The following KCTD16 variants were observed in gnomAD, a reference collection of about 807,000 sequenced individuals.
KCTD16 encodes BTB/POZ domain-containing protein KCTD16.
KCTD16 carries 13 observed loss-of-function variants against 33.2 expected under a neutral mutation model. The ratio of observed to expected loss-of-function variants is 0.39; its 90% CI spans 0.25 to 0.62. The LOEUF (loss-of-function observed/expected upper bound fraction) is 0.62. Ranked by LOEUF, KCTD16 falls within the 20% of genes least tolerant of loss-of-function variation. The probability of loss-of-function intolerance (pLI) is 0.50; values close to 1 mark genes in which losing one functional copy is unlikely to be tolerated. For synonymous variants in KCTD16, 197 were observed against 195.3 expected (o/e 1.01, Z -0.07); for missense variants, 441 against 525.1 (o/e 0.84, Z 1.57).
At chr5:144,464,678 ATCCTCCTCTTACTCCTCTTCT>A (rs1299220805) in intron 3 of KCTD16, among the ~76,000 whole-genome samples, 2 of 146,838 alleles carry the variant, frequency 1.4e-5, no homozygotes, top group South Asian at 2.2e-4. Flanking sequence ...CCTCCTCCTC[ATCCTCCTCTTACTCCTCTTCT>A]TCCTCCTCCT....
chr5:144,216,676 T>C (rs1753571997), intron 3 of KCTD16, among the ~76,000 whole-genome samples: 1 of 151,874 alleles, frequency 6.6e-6, no homozygotes, highest in African/African-American at 2.4e-5. Flanking sequence ...AAATTCCATC[T>C]CTACTAAAAT....
rs935408461 is a variant in KCTD16 at position 144,435,962 on chromosome 5, G to A, written c.833-37698G>A. On this transcript the variant is annotated intron_variant, in intron 3 of 3. Coordinates refer to ENST00000512467, the MANE Select transcript of KCTD16 (RefSeq NM_020768.4). ...ATTTCTCTGCTATTTTACTGGCCTAGAGTCCATTCTCCAGCATTTTCTGGT... is the reference window on the plus strand; with the variant it reads ...ATTTCTCTGCTATTTTACTGGCCTAAAGTCCATTCTCCAGCATTTTCTGGT... 2.6e-5 allele frequency among the ~76,000 whole-genome samples: 4 copies of A among 152,094 alleles called. No individual in the cohort carries two copies. The South Asian group carries it at 6.2e-4, about 24-fold the overall frequency.
intron 2 of KCTD16, among the ~76,000 whole-genome samples, chr5:144,202,702 G>T (rs374082709): frequency 4.0e-5 from 6 of 148,178 alleles, no homozygotes; most frequent in African/African-American, 9.8e-5. Context: ...TAAACAAACT[G>T]TTTTAGCACA....
chr5:144,431,309 A>G (rs1753456012), intron 3 of KCTD16, among the ~76,000 whole-genome samples: 3 of 152,180 alleles, frequency 2.0e-5, no homozygotes, highest in Admixed American at 6.6e-5. Flanking sequence ...CTTCAGTATG[A>G]TAATAATTGT....
In KCTD16 at chr5:144,256,366, G is replaced by A. The variant is rs556168823; in HGVS notation, c.832+48820G>A. ...TGTGACTTCAGCCAAAATAATTGAC[G>A]GCTGTTTGCTTCTTTTTTTCCCATT... On this transcript the variant is annotated intron_variant, in intron 3 of 3. Transcript: ENST00000512467. 7.9e-5 allele frequency among the ~76,000 whole-genome samples: 12 copies of A among 152,230 alleles called. No individual in the cohort carries two copies. In the South Asian group the frequency reaches 8.3e-4, roughly 11 times the overall value.
rs570965783 is a variant in KCTD16, at chr5:144,445,189, A to T, written c.833-28471A>T. On this transcript the variant is annotated intron_variant, in intron 3 of 3. Coordinates refer to ENST00000512467, the MANE Select transcript of KCTD16 (RefSeq NM_020768.4). ...ACTTCTTAATTTTAAATTCTAAGACATTCTCTTTTGTGTTTATGTGCTCTT... is the reference window on the plus strand; with the variant it reads ...ACTTCTTAATTTTAAATTCTAAGACTTTCTCTTTTGTGTTTATGTGCTCTT... Among the ~76,000 whole-genome samples, 5 of 152,002 alleles carry T rather than the reference A, an allele frequency of 3.3e-5. No homozygotes were observed. The East Asian group carries it at 9.7e-4, about 29-fold the overall frequency.
At chr5:144,369,578 C>T (rs903404983) in intron 3 of KCTD16, among the ~76,000 whole-genome samples, 2 of 152,132 alleles carry the variant, frequency 1.3e-5, no homozygotes, top group Non-Finnish European at 2.9e-5. Flanking sequence ...AGGAATCTTT[C>T]CATTCTTTAA....
intron 3 of KCTD16, among the ~76,000 whole-genome samples, chr5:144,383,648 T>C (rs147831379): frequency 6.6e-6 from 1 of 152,200 alleles, no homozygotes; most frequent in African/African-American, 2.4e-5. Flanking sequence ...TTTTTTTTTT[T>C]CTTTTACAAA....
chr5:144,365,810 G>A (rs1159146916), intron 3 of KCTD16, among the ~76,000 whole-genome samples: 1 of 152,136 alleles, frequency 6.6e-6, no homozygotes, highest in African/African-American at 2.4e-5. Flanking sequence ...TTGTTATAAA[G>A]ACCTTAGCCT....
chr5:144,181,857 ACTGAGGCAGGTGGATCAC>A (rs1391677367), intron 2 of KCTD16, among the ~76,000 whole-genome samples: 2 of 151,886 alleles, frequency 1.3e-5, no homozygotes, highest in African/African-American at 4.8e-5. Context: ...ACTTTGGGAG[ACTGAGGCAGGTGGATCAC>A]CTGAGGTCAG....
chr5:144,262,555 A>G (rs1755041969), intron 3 of KCTD16, among the ~76,000 whole-genome samples: 1 of 152,200 alleles, frequency 6.6e-6, no homozygotes, highest in Non-Finnish European at 1.5e-5. Context: ...GTTTTCCTAT[A>G]CCTTATAACC....
intron 3 of KCTD16, among the ~76,000 whole-genome samples, chr5:144,318,913 G>A (rs1752000848): frequency 6.6e-6 from 1 of 152,132 alleles, no homozygotes; most frequent in African/African-American, 2.4e-5. Context: ...TTAATGTTTA[G>A]AGGGAGGTTA....
rs76255381 is a variant in KCTD16 at position 144,354,430 on chromosome 5, G to A, written c.833-119230G>A. Among the ~76,000 whole-genome samples the A allele has an allele frequency of 5.3e-5, 8 of 152,168 alleles. 1 individual carries two copies. In the South Asian group the frequency reaches 8.3e-4, roughly 16 times the overall value. On this transcript the variant is annotated intron_variant, in intron 3 of 3. Coordinates refer to ENST00000512467, the MANE Select transcript of KCTD16 (RefSeq NM_020768.4). ...ATTTGTATACATTTTCAACGACTTC[G>A]TATTACCCCTGGGGTTCACCCCTAG...
intron 3 of KCTD16, among the ~76,000 whole-genome samples, chr5:144,388,271 C>A (rs545802165): frequency 1.3e-5 from 2 of 151,418 alleles, no homozygotes; most frequent in African/African-American, 4.9e-5. Context: ...TTAGTAGAGA[C>A]GGGGTTTCAC....
chr5:144,349,136 A>T (rs1230909351), intron 3 of KCTD16, among the ~76,000 whole-genome samples: 2 of 152,170 alleles, frequency 1.3e-5, no homozygotes, highest in African/African-American at 4.8e-5. Flanking sequence ...GAATAAAACA[A>T]AATGTTTTAT....
chr5:144,294,568 C>A (rs1471032209), intron 3 of KCTD16, among the ~76,000 whole-genome samples: 1 of 151,990 alleles, frequency 6.6e-6, no homozygotes, highest in African/African-American at 2.4e-5. Context: ...GTTTGTGTAT[C>A]CATCAGCAAT....
intron 3 of KCTD16, among the ~76,000 whole-genome samples, chr5:144,366,904 T>C (rs1394258227): frequency 6.6e-6 from 1 of 152,192 alleles, no homozygotes; most frequent in Non-Finnish European, 1.5e-5. Flanking sequence ...GAGTGGATCC[T>C]TTTAGCCCTG....
At chr5:144,331,094 A>G (rs1752347018) in intron 3 of KCTD16, among the ~76,000 whole-genome samples, 1 of 152,236 alleles carries the variant, frequency 6.6e-6, no homozygotes, top group Admixed American at 6.5e-5. Flanking sequence ...AAAGGAAAAT[A>G]GAGCAAAAGC....
intron 3 of KCTD16, among the ~76,000 whole-genome samples, chr5:144,385,633 A>G (rs989898850): frequency 1.3e-5 from 2 of 152,156 alleles, no homozygotes; most frequent in African/African-American, 2.4e-5. Flanking sequence ...TTTCAAGTTC[A>G]TGTATTACTT....
Sources: gnomAD v4.1 joint callset for allele counts (sites outside exome capture counted in the v4.1 genomes callset) on GRCh38, gnomAD v4.1.1 for gene constraint, MANE v1.5 for transcripts, NCBI Gene and HGNC (gene_info 2026-07-23, HGNC 2026-07-21) for gene names.